CAMK2G: variants seen among roughly 807,000 people sequenced by gnomAD.
CAMK2G encodes calcium/calmodulin dependent protein kinase II gamma, also known as calcium/calmodulin-dependent protein kinase type II subunit gamma.
In CAMK2G, 23 loss-of-function variants were observed where a neutral mutation model predicts 88.7. That is an observed-to-expected ratio of 0.26 (90% CI 0.19 to 0.37). CAMK2G has a LOEUF of 0.37. Ranked by LOEUF, CAMK2G falls within the 10% of genes least tolerant of loss-of-function variation. The pLI, the probability that CAMK2G is intolerant of heterozygous loss-of-function variation, is 1.00. For synonymous variants in CAMK2G, 263 were observed against 294.8 expected (o/e 0.89, Z 1.11); for missense variants, 476 against 780.8 (o/e 0.61, Z 4.65).
At position 73,828,577 on chromosome 10, in the gene CAMK2G, C is replaced by T. The variant is rs74951108; in HGVS notation, c.1054-456G>A. Among the ~76,000 whole-genome samples the T allele has an allele frequency of 1.2e-4, 18 of 152,328 alleles. No homozygotes were observed. In the East Asian group the frequency reaches 3.3e-3, roughly 28 times the overall value. ...AAAAGCAAAAGCTACTACAGGCTCT[C>T]CTCAGCTCTAATAAAATTTGACTTC... On this transcript the variant is annotated intron_variant, in intron 14 of 22. Coordinates refer to ENST00000423381, the MANE Select transcript of CAMK2G (RefSeq NM_001367534.1).
chr10:73,871,830 C>T (rs1591486619), intron 2 of CAMK2G, among the ~76,000 whole-genome samples: 1 of 152,158 alleles, frequency 6.6e-6, no homozygotes, highest in Non-Finnish European at 1.5e-5. Flanking sequence ...GGAGTGGACA[C>T]GGCCCTGCTA....
At chr10:73,849,168 A>G (rs2094452655) in intron 6 of CAMK2G, 53 bp from the exon 7 acceptor site, 1 of 1,581,176 alleles carries the variant, frequency 6.3e-7, no homozygotes. Flanking sequence ...AGCCCAGAGG[A>G]AGCCTAGTTT....
At chr10:73,818,429 G>A (rs2086494542) in intron 19 of CAMK2G, 1 of 328,564 alleles carries the variant, frequency 3.0e-6, no homozygotes, top group Admixed American at 3.8e-5. Flanking sequence ...GCTGCCACCA[G>A]GGTAAGGGAG....
At chr10:73,874,314 G>A in intron 1 of CAMK2G, 83 bp downstream of exon 1, 12 of 962,434 alleles carry the variant, frequency 1.2e-5, no homozygotes, top group African/African-American at 1.7e-5. Context: ...GCAGCGGCCG[G>A]TGCAGGGCCG....
At chr10:73,820,024 A>G (rs2087324350) in intron 18 of CAMK2G, among the ~76,000 whole-genome samples, 1 of 151,974 alleles carries the variant, frequency 6.6e-6, no homozygotes, top group Non-Finnish European at 1.5e-5. Flanking sequence ...AACTGATCTG[A>G]CCTCACTCAC....
intron 15 of CAMK2G, among the ~76,000 whole-genome samples, chr10:73,826,805 C>T (rs2091088339): frequency 6.6e-6 from 1 of 152,166 alleles, no homozygotes; most frequent in South Asian, 2.1e-4. Flanking sequence ...GCCTCTTGGA[C>T]CAGACCTGAA....
At chr10:73,871,706 A>C (rs1465501336) in intron 2 of CAMK2G, among the ~76,000 whole-genome samples, 1 of 152,026 alleles carries the variant, frequency 6.6e-6, no homozygotes, top group East Asian at 1.9e-4. Context: ...AGAGAGAAAG[A>C]AAACAAACAA....
chr10:73,837,565 C>T (rs4537678), intron 13 of CAMK2G, 54 bp from the exon 14 acceptor site: 42 of 1,424,520 alleles, frequency 2.9e-5, no homozygotes, highest in Non-Finnish European at 3.9e-5. Context: ...TCTCCCCAAC[C>T]TGAAGTCCGG....
chr10:73,860,175 A>G (rs1279123530), intron 3 of CAMK2G, among the ~76,000 whole-genome samples: 1 of 152,208 alleles, frequency 6.6e-6, no homozygotes, highest in African/African-American at 2.4e-5. Flanking sequence ...TGAACAAAGT[A>G]AAACTGAGCC....
At chr10:73,844,737 C>T (rs1391967535) in intron 10 of CAMK2G, among the ~76,000 whole-genome samples, 3 of 152,212 alleles carry the variant, frequency 2.0e-5, no homozygotes, top group East Asian at 3.9e-4. Flanking sequence ...CTAAGTATCA[C>T]CATTTATTTC....
chr10:73,822,914 T>C (rs1409377979), intron 17 of CAMK2G, among the ~76,000 whole-genome samples: 3 of 152,226 alleles, frequency 2.0e-5, no homozygotes, highest in Non-Finnish European at 4.4e-5. Flanking sequence ...CAGGCTGAAG[T>C]GCAGTGGCAC....
chr10:73,838,008 C>A (rs935643351), intron 13 of CAMK2G, among the ~76,000 whole-genome samples: 2 of 152,216 alleles, frequency 1.3e-5, no homozygotes, highest in African/African-American at 4.8e-5. Flanking sequence ...GAAACCAGGA[C>A]CACCTACAGG....
At chr10:73,859,330 A>G (rs1407850192) in intron 3 of CAMK2G, among the ~76,000 whole-genome samples, 1 of 152,264 alleles carries the variant, frequency 6.6e-6, no homozygotes. Context: ...GTGGGGGCTC[A>G]GCAGAGCCAA....
In CAMK2G at chr10:73,828,189, C is replaced by G; in HGVS notation, c.1054-68G>C. ...AGGTAAGAAGAGAAGCACAGAGACG[C>G]TGCAGGTTAGCGCACCAGTGTGGGC... On this transcript the variant is annotated intron_variant, in intron 14 of 22. Coordinates refer to ENST00000423381, the MANE Select transcript of CAMK2G (RefSeq NM_001367534.1). 3.7e-6 allele frequency: 5 copies of G among 1,348,528 alleles called. No homozygotes were observed. In the South Asian group the frequency reaches 5.9e-5, roughly 16 times the overall value. 83.5% of individuals were successfully genotyped at this position (1,348,528 alleles called of 1,614,324 possible). A position where few individuals can be genotyped will look rare whatever the true frequency, so the allele number is the denominator to read the frequency against.
intron 17 of CAMK2G, 130 bp downstream of exon 17, chr10:73,823,910 G>A (rs2090024676): frequency 3.9e-6 from 3 of 770,784 alleles, no homozygotes; most frequent in Admixed American, 1.8e-5. Context: ...GCAACTGTGG[G>A]CACAGGCTAC....
intron 3 of CAMK2G, among the ~76,000 whole-genome samples, chr10:73,854,198 C>G (rs917431982): frequency 6.6e-6 from 1 of 152,216 alleles, no homozygotes; most frequent in Non-Finnish European, 1.5e-5. Context: ...TTACAAATGT[C>G]CCTAAAGCAG....
At chr10:73,847,189 C>A in intron 10 of CAMK2G, 36 bp downstream of exon 10, 1 of 1,611,146 alleles carries the variant, frequency 6.2e-7, no homozygotes, top group South Asian at 1.1e-5. Context: ...AAGGCTGACA[C>A]CCCTGAGCTC....
At chr10:73,870,611 CAAGA>C (rs2095794096) in intron 2 of CAMK2G, among the ~76,000 whole-genome samples, 1 of 152,160 alleles carries the variant, frequency 6.6e-6, no homozygotes, top group Admixed American at 6.5e-5. Context: ...GAATCACAAA[CAAGA>C]AAGACAGGAG....
chr10:73,863,370 A>C (rs2095462959), intron 2 of CAMK2G, among the ~76,000 whole-genome samples: 1 of 152,182 alleles, frequency 6.6e-6, no homozygotes, highest in Admixed American at 6.5e-5. Flanking sequence ...CGAGGCACTC[A>C]AGGAGGCTGT....
Sources: gnomAD v4.1 joint callset for allele counts (sites outside exome capture counted in the v4.1 genomes callset) on GRCh38, gnomAD v4.1.1 for gene constraint, MANE v1.5 for transcripts, NCBI Gene and HGNC (gene_info 2026-07-23, HGNC 2026-07-21) for gene names.